The following TEX29 variants were observed in gnomAD, a reference collection of about 807,000 sequenced individuals.
TEX29 encodes the protein testis expressed 29.
TEX29 carries 26 observed loss-of-function variants against 18.2 expected under a neutral mutation model. The observed-to-expected ratio is 1.43, with a 90% confidence interval of 1.04 to 1.98. TEX29 has a LOEUF of 1.98. Ranked by LOEUF, TEX29 falls within the 30% of genes most tolerant of loss-of-function variation. TEX29 has a pLI of 0.00. For missense variants in TEX29, 177 were observed against 194.2 expected, an observed-to-expected ratio of 0.91 and a Z score of 0.53; for synonymous variants, 83 against 78.5, an observed-to-expected ratio of 1.06 and a Z score of -0.31.
At chr13:111,331,247 G>A (rs1280265545) in intron 3 of TEX29, among the ~76,000 whole-genome samples, 3 of 151,244 alleles carry the variant, frequency 2.0e-5, no homozygotes, top group Admixed American at 6.6e-5. Context: ...TGTAATGGGT[G>A]TGAAGTTGTA....
At chr13:111,320,124 C>T (rs972214999), upstream of TEX29, among the ~76,000 whole-genome samples, 1 of 152,220 alleles carries the variant, frequency 6.6e-6, no homozygotes, top group African/African-American at 2.4e-5. Context: ...CCAGACACAC[C>T]TTCCTCCCTG....
upstream of TEX29, among the ~76,000 whole-genome samples, chr13:111,318,274 C>G (rs949111462): frequency 2.0e-4 from 30 of 152,050 alleles, no homozygotes; most frequent in Non-Finnish European, 4.4e-5. Flanking sequence ...GTCCTATTTC[C>G]AAAGAACCCC....
upstream of TEX29, among the ~76,000 whole-genome samples, chr13:111,318,527 T>C (rs2093658390): frequency 2.0e-5 from 3 of 152,188 alleles, no homozygotes; most frequent in Admixed American, 2.0e-4. Flanking sequence ...TCCCTGTGAG[T>C]CTGGGGCAGT....
At chr13:111,327,631 A>G (rs1483310280) in intron 2 of TEX29, among the ~76,000 whole-genome samples, 1 of 152,196 alleles carries the variant, frequency 6.6e-6, no homozygotes, top group Non-Finnish European at 1.5e-5. Context: ...CTCCTCTGGA[A>G]AGGGTCGTCT....
intron 3 of TEX29, among the ~76,000 whole-genome samples, 185 bp from the exon 4 acceptor site, chr13:111,339,678 G>A (rs377349537): frequency 6.6e-6 from 1 of 152,204 alleles, no homozygotes; most frequent in South Asian, 2.1e-4. Context: ...GCCTGCGGGG[G>A]CCTTTGGAGA....
chr13:111,325,380 G>A (rs1011822415), intron 2 of TEX29, among the ~76,000 whole-genome samples: 2 of 152,006 alleles, frequency 1.3e-5, no homozygotes, highest in African/African-American at 2.4e-5. Flanking sequence ...AGATACCACT[G>A]CTGGTGCCAG....
chr13:111,326,954 T>C (rs2093675044), intron 2 of TEX29, among the ~76,000 whole-genome samples: 1 of 152,186 alleles, frequency 6.6e-6, no homozygotes, highest in Admixed American at 6.5e-5. Flanking sequence ...GCATAGAACG[T>C]GGGGGACCAT....
At chr13:111,338,955 A>C (rs2093693312) in intron 3 of TEX29, among the ~76,000 whole-genome samples, 1 of 152,232 alleles carries the variant, frequency 6.6e-6, no homozygotes, top group Non-Finnish European at 1.5e-5. Flanking sequence ...TCCAGATATC[A>C]GCCCTCGGTG....
chr13:111,318,708 C>T (rs2093658735), upstream of TEX29, among the ~76,000 whole-genome samples: 1 of 152,220 alleles, frequency 6.6e-6, no homozygotes, highest in African/African-American at 2.4e-5. Flanking sequence ...TGACAGTTCC[C>T]AGGAGAGAGA....
intron 3 of TEX29, among the ~76,000 whole-genome samples, chr13:111,339,137 G>C (rs1297609750): frequency 6.6e-6 from 1 of 152,212 alleles, no homozygotes; most frequent in Non-Finnish European, 1.5e-5. Context: ...CAGGGTGGCG[G>C]GGCTGCCCCT....
upstream of TEX29, among the ~76,000 whole-genome samples, chr13:111,316,443 A>T (rs532095777): frequency 3.9e-5 from 6 of 152,324 alleles, no homozygotes; most frequent in East Asian, 1.2e-3. Flanking sequence ...AGTTCTGTGC[A>T]CTGTGGGCTG....
intron 3 of TEX29, among the ~76,000 whole-genome samples, chr13:111,328,658 G>A (rs775231652): frequency 1.8e-4 from 28 of 152,298 alleles, no homozygotes; most frequent in Non-Finnish European, 3.5e-4. Context: ...GGCAGGGCCC[G>A]GGCCAGTGGC....
chr13:111,343,322 G>A (rs186955058), intron 5 of TEX29, among the ~76,000 whole-genome samples: 1 of 150,338 alleles, frequency 6.7e-6, no homozygotes, highest in Admixed American at 6.6e-5. Context: ...ACTCTCTGTG[G>A]CACCCTGGCC....
At chr13:111,327,857 C>T (rs535087038) in intron 2 of TEX29, among the ~76,000 whole-genome samples, 1 of 152,364 alleles carries the variant, frequency 6.6e-6, no homozygotes, top group African/African-American at 2.4e-5. Flanking sequence ...CCCGAACTCC[C>T]AAGCAGCCAT....
intron 5 of TEX29, 131 bp downstream of exon 5, chr13:111,343,062 G>A (rs2093699214): frequency 9.0e-7 from 1 of 1,113,108 alleles, no homozygotes; most frequent in Non-Finnish European, 1.2e-6. Flanking sequence ...GTTGCAGTTT[G>A]TTCAAAATTG....
intron 3 of TEX29, among the ~76,000 whole-genome samples, chr13:111,337,376 G>T (rs1021509503): frequency 6.6e-6 from 1 of 152,154 alleles, no homozygotes; most frequent in Non-Finnish European, 1.5e-5. Flanking sequence ...GTTGATACCA[G>T]ATGTTATAGG....
intron 3 of TEX29, among the ~76,000 whole-genome samples, chr13:111,332,065 G>T (rs1386632326): frequency 1.3e-5 from 2 of 152,106 alleles, no homozygotes; most frequent in East Asian, 1.9e-4. Context: ...AATTTAGCTT[G>T]TCAATTTCTG....
At position 111,339,847 on chromosome 13, in the gene TEX29, T is replaced by A. The variant is rs1030830985; in HGVS notation, c.170-16T>A. ...TTACCTGGATCGAAATGACTTCAAA[T>A]CCCACCATTTTTCAGTTTACATCCA... On this transcript the variant is annotated splice_polypyrimidine_tract_variant and intron_variant, in intron 3 of 5. Transcript: ENST00000283547. 2.4e-5 allele frequency: 38 copies of A among 1,613,594 alleles called. No individual in the cohort carries two copies. The highest frequency in any genetic ancestry group is 8.0e-5 in the African/African-American group (6 of 74,868).
At chr13:111,339,992 G>T (rs1010613589) in intron 4 of TEX29, 60 bp downstream of exon 4, 2 of 1,512,452 alleles carry the variant, frequency 1.3e-6, no homozygotes, top group Non-Finnish European at 1.8e-6. Flanking sequence ...TCTCCTGGCC[G>T]CAGCTTCCTG....
Sources: gnomAD v4.1 joint callset for allele counts (sites outside exome capture counted in the v4.1 genomes callset) on GRCh38, gnomAD v4.1.1 for gene constraint, MANE v1.5 for transcripts, NCBI Gene and HGNC (gene_info 2026-07-23, HGNC 2026-07-21) for gene names.